The following LUC7L variants were observed in gnomAD, a reference collection of about 807,000 sequenced individuals.
The protein encoded by LUC7L is LUC7 like.
LUC7L carries 29 observed loss-of-function variants against 51.1 expected under a neutral mutation model. The observed-to-expected ratio is 0.57, with a 90% CI of 0.42 to 0.77. LUC7L has a LOEUF of 0.77. LUC7L is among the 30% of genes least tolerant of loss of function. LUC7L has a pLI of 0.00. For synonymous variants in LUC7L, 181 were observed against 180.7 expected (o/e 1.00, Z -0.01); for missense variants, 403 against 511.9 (o/e 0.79, Z 2.05).
intron 2 of LUC7L, among the ~76,000 whole-genome samples, chr16:221,953 T>C (rs919685624): frequency 1.3e-5 from 2 of 152,180 alleles, no homozygotes; most frequent in African/African-American, 4.8e-5. Context: ...ATACATGCTC[T>C]ACACATTTTC....
chr16:216,126 C>A (rs758167024), intron 3 of LUC7L, among the ~76,000 whole-genome samples: 4 of 152,036 alleles, frequency 2.6e-5, no homozygotes, highest in Admixed American at 1.3e-4. Context: ...CTCAGCCTCC[C>A]GAGTAGCTGG....
chr16:208,335 T>C, intron 3 of LUC7L, 147 bp from the exon 4 acceptor site: 1 of 594,392 alleles, frequency 1.7e-6, no homozygotes, highest in Non-Finnish European at 2.9e-6. Context: ...ACACTACCAC[T>C]AACGCATTCA....
chr16:229,312 G>T lies in LUC7L; in HGVS notation c.28C>A (p.Leu10Met). MSAQAQMRALLDQLMGTARD... is the reference protein window; with the variant it reads MSAQAQMRAMLDQLMGTARD... ...GCCGTGCCCATGAGCTGGTCCAGCAGGGCCCGCATCTGCGCCTGGGCGGAC... is the reference window on the plus strand; with the variant it reads ...GCCGTGCCCATGAGCTGGTCCAGCATGGCCCGCATCTGCGCCTGGGCGGAC... The change falls in exon 1 of 10, where the codon CTG (leucine) becomes ATG (methionine). Residue 10 changes from leucine (L) to methionine (M), a missense_variant. Physicochemically the swap from Leu to Met is conservative, Grantham distance 15. Around this residue, in one of 3 missense-constraint regions of LUC7L, gnomAD observed 182 missense variants for 248.4 expected, o/e 0.73. Coordinates refer to ENST00000293872, the MANE Select transcript of LUC7L (RefSeq NM_201412.3). 6.5e-7 allele frequency: 1 copy of T among 1,532,738 alleles called. No individual in the cohort carries two copies. Among genetic ancestry groups the T allele is most frequent in the African/African-American group, 1.4e-5 (1 of 71,004 alleles). 94.9% of individuals were successfully genotyped at this position (1,532,738 alleles called of 1,614,324 possible). A position where few individuals can be genotyped will look rare whatever the true frequency, so the allele number is the denominator to read the frequency against.
rs565477938 is a variant in LUC7L at position 224,258 on chromosome 16, C to A, written c.156+2984G>T. ...ATGAGGCCGAGCGCGGTGGCTCATG[C>A]CTATAATCCCAGCACTTTGGGAGGC... On this transcript the variant is annotated intron_variant, in intron 2 of 9. Transcript: ENST00000293872. Among the ~76,000 whole-genome samples, 4 of 152,004 alleles carry A rather than the reference C, an allele frequency of 2.6e-5. No homozygotes were observed. The South Asian group carries it at 8.3e-4, about 32-fold the overall frequency.
In LUC7L at chr16:189,642, AT is replaced by A. The variant is rs1413622116; in HGVS notation, c.975-304del. On this transcript the variant is annotated intron_variant, in intron 9 of 9. Transcript: ENST00000293872. ...ACGTAAAAACACAATGGAAAAAAAAATATCAAAAACAAAAACCAAAACAGAG... is the reference window on the plus strand; with the variant it reads ...ACGTAAAAACACAATGGAAAAAAAAAATCAAAAACAAAAACCAAAACAGAG... The A allele has an allele frequency of 8.3e-6, 11 of 1,324,932 alleles. No homozygotes were observed. In the African/African-American group the frequency reaches 1.6e-4, roughly 19 times the overall value. The allele number at this position is 1,324,932 out of a possible 1,614,324, so 82.1% of individuals were successfully genotyped here. A position where few individuals can be genotyped will look rare whatever the true frequency, so the allele number is the denominator to read the frequency against.
At chr16:210,193 A>G (rs925696583) in intron 3 of LUC7L, among the ~76,000 whole-genome samples, 3 of 152,150 alleles carry the variant, frequency 2.0e-5, no homozygotes, top group Non-Finnish European at 2.9e-5. Flanking sequence ...AGGCTGAGGC[A>G]GGAGAACTGC....
At position 220,019 on chromosome 16, in the gene LUC7L, G is replaced by A. The variant is rs570051068; in HGVS notation, c.255+630C>T. Among the ~76,000 whole-genome samples, 145 of 152,258 alleles carry A rather than the reference G, an allele frequency of 9.5e-4. 1 individual carries two copies. Among genetic ancestry groups the A allele is most frequent in the African/African-American group, 3.3e-3 (136 of 41,566 alleles). On this transcript the variant is annotated intron_variant, in intron 3 of 9. Transcript: ENST00000293872. ...CTGATAATACAAAGTGTTGGTGAGC[G>A]TGCAGACACTGCTATGGGACTTTAC...
intron 3 of LUC7L, 102 bp downstream of exon 3, chr16:220,543 ACTAC>A: frequency 1.2e-6 from 1 of 819,168 alleles, no homozygotes; most frequent in Non-Finnish European, 2.0e-6. Context: ...ATAACAAGCA[ACTAC>A]CTTATTATTT....
intron 3 of LUC7L, among the ~76,000 whole-genome samples, chr16:217,073 A>G (rs924068224): frequency 1.3e-5 from 2 of 152,002 alleles, no homozygotes; most frequent in African/African-American, 4.8e-5. Flanking sequence ...ATAAAGTGCA[A>G]TGGTGTGATC....
At chr16:219,601 C>T (rs1033199441) in intron 3 of LUC7L, among the ~76,000 whole-genome samples, 1 of 151,222 alleles carries the variant, frequency 6.6e-6, no homozygotes, top group Non-Finnish European at 1.5e-5. Context: ...AAGCTAGGCA[C>T]GGTGGCTCAA....
intron 9 of LUC7L, 88 bp from the exon 10 acceptor site, chr16:189,427 G>A (rs1053257017): frequency 3.4e-5 from 51 of 1,479,372 alleles, no homozygotes; most frequent in African/African-American, 3.1e-4. Flanking sequence ...CGCAGACCAG[G>A]CCAGGCAAGG....
intron 3 of LUC7L, among the ~76,000 whole-genome samples, chr16:219,703 T>A (rs1034494111): frequency 6.6e-6 from 1 of 151,894 alleles, no homozygotes. Flanking sequence ...AGAAACACCA[T>A]CTCTACTAAA....
At chr16:211,415 G>A (rs1190166086) in intron 3 of LUC7L, among the ~76,000 whole-genome samples, 1 of 152,066 alleles carries the variant, frequency 6.6e-6, no homozygotes, top group African/African-American at 2.4e-5. Flanking sequence ...CCAAGATCAC[G>A]CCACTGCACT....
chr16:201,574 G>T (rs1310486296), intron 5 of LUC7L, among the ~76,000 whole-genome samples: 2 of 151,814 alleles, frequency 1.3e-5, no homozygotes, highest in East Asian at 3.9e-4. Flanking sequence ...TGAGTAGCTG[G>T]GACTACAAGC....
At chr16:220,955 T>C (rs2049948053) in intron 2 of LUC7L, among the ~76,000 whole-genome samples, 1 of 152,246 alleles carries the variant, frequency 6.6e-6, no homozygotes, top group African/African-American at 2.4e-5. Flanking sequence ...AACTGATGCA[T>C]TTAATAGTGT....
chr16:225,013 T>A (rs2050090776), intron 2 of LUC7L, among the ~76,000 whole-genome samples: 1 of 152,192 alleles, frequency 6.6e-6, no homozygotes, highest in Admixed American at 6.6e-5. Context: ...TTCCCCTGGA[T>A]GCCCAACATC....
intron 3 of LUC7L, among the ~76,000 whole-genome samples, chr16:213,452 T>C (rs955978357): frequency 6.6e-6 from 1 of 151,816 alleles, no homozygotes; most frequent in Non-Finnish European, 1.5e-5. Context: ...CAGGCTGGAG[T>C]GTAGAGGCAA....
intron 2 of LUC7L, among the ~76,000 whole-genome samples, chr16:221,629 G>A (rs2049972181): frequency 6.6e-6 from 1 of 152,090 alleles, no homozygotes; most frequent in Non-Finnish European, 1.5e-5. Flanking sequence ...CTTGAACCCA[G>A]GAGGTGGAGT....
At chr16:217,491 G>T (rs1407474776) in intron 3 of LUC7L, among the ~76,000 whole-genome samples, 5 of 151,850 alleles carry the variant, frequency 3.3e-5, no homozygotes, top group African/African-American at 1.2e-4. Context: ...TGGATCACCT[G>T]CGGTCAGGAG....
Sources: allele counts gnomAD v4.1 joint callset (sites outside exome capture counted in the v4.1 genomes callset), GRCh38; gene constraint gnomAD v4.1.1; regional missense constraint gnomAD v4.1.1; transcripts MANE v1.5; gene names NCBI Gene and HGNC (gene_info 2026-07-23, HGNC 2026-07-21).